The following TNFRSF10B variants were observed in gnomAD, a reference collection of about 807,000 sequenced individuals.
TNFRSF10B encodes TNF receptor superfamily member 10b.
In TNFRSF10B, 35 loss-of-function variants were observed where a neutral mutation model predicts 41.4. That is an observed-to-expected ratio of 0.85 (90% confidence interval 0.65 to 1.12). The LOEUF is 1.12. Ranked by LOEUF, TNFRSF10B falls within the 50% of genes most tolerant of loss-of-function variation. The pLI is 0.00. For synonymous variants in TNFRSF10B, 230 were observed against 215.5 expected (o/e 1.07, Z -0.59); for missense variants, 584 against 552.7 (o/e 1.06, Z -0.57).
At chr8:23,033,401 G>A (rs12550355) in intron 2 of TNFRSF10B, among the ~76,000 whole-genome samples, 45,235 of 151,392 alleles carry the variant, frequency 0.3, 6,992 homozygotes, top group East Asian at 0.35. Context: ...TGGCTAACAC[G>A]GTGAAACCCC....
At position 23,068,962 on chromosome 8, in the gene TNFRSF10B, C is replaced by T. The variant is rs1311389055; in HGVS notation, c.-68G>A. 2.5e-6 allele frequency: 4 copies of T among 1,611,090 alleles called. No homozygotes were observed. Among genetic ancestry groups the T allele is most frequent in the African/African-American group, 2.7e-5 (2 of 74,862 alleles). ...TCAGCCCTTAAAGTAGATCGGGCATCGTCGGTGTATTTTGTGGGCGCAGAG... is the reference window on the plus strand; with the variant it reads ...TCAGCCCTTAAAGTAGATCGGGCATTGTCGGTGTATTTTGTGGGCGCAGAG... On this transcript the variant is annotated 5_prime_UTR_variant, in exon 1 of 9. Coordinates refer to ENST00000276431, the MANE Select transcript of TNFRSF10B (RefSeq NM_003842.5).
chr8:23,068,633 G>T, intron 1 of TNFRSF10B, 118 bp downstream of exon 1: 1 of 1,447,524 alleles, frequency 6.9e-7, no homozygotes, highest in Non-Finnish European at 9.2e-7. Flanking sequence ...GTCTTGCCCG[G>T]ACATGCCCGG....
chr8:23,068,718 C>T, intron 1 of TNFRSF10B, 33 bp downstream of exon 1: 1 of 1,552,882 alleles, frequency 6.4e-7, no homozygotes, highest in Admixed American at 1.9e-5. Flanking sequence ...CAGGCACGCT[C>T]TTCCCCAGCC....
intron 1 of TNFRSF10B, among the ~76,000 whole-genome samples, chr8:23,068,078 C>T (rs1475845876): frequency 2.0e-5 from 3 of 152,222 alleles, no homozygotes; most frequent in African/African-American, 7.2e-5. Context: ...AGGTCAGGCC[C>T]CAAGTGCCAC....
intron 2 of TNFRSF10B, among the ~76,000 whole-genome samples, chr8:23,035,714 A>C (rs1300755012): frequency 6.6e-6 from 1 of 152,182 alleles, no homozygotes; most frequent in Non-Finnish European, 1.5e-5. Context: ...AGATATTCTA[A>C]GATAAAAGAT....
At chr8:23,067,717 G>GT (rs1813033592) in intron 1 of TNFRSF10B, among the ~76,000 whole-genome samples, 1 of 152,182 alleles carries the variant, frequency 6.6e-6, no homozygotes, top group Non-Finnish European at 1.5e-5. Flanking sequence ...CATGAGGTGT[G>GT]TAACAATATC....
At chr8:23,054,242 A>T (rs571021493) in intron 1 of TNFRSF10B, among the ~76,000 whole-genome samples, 3 of 152,208 alleles carry the variant, frequency 2.0e-5, no homozygotes, top group Non-Finnish European at 4.4e-5. Context: ...ACAGGACAGG[A>T]ATTAACTGCA....
At chr8:23,023,123 C>G in intron 8 of TNFRSF10B, 139 bp from the exon 9 acceptor site, 1 of 1,096,712 alleles carries the variant, frequency 9.1e-7, no homozygotes, top group Non-Finnish European at 1.3e-6. Context: ...AGTGCCCACC[C>G]GCTTCCCATC....
At chr8:23,028,669 G>A (rs1811786146) in intron 4 of TNFRSF10B, 67 bp from the exon 5 acceptor site, 4 of 1,590,990 alleles carry the variant, frequency 2.5e-6, no homozygotes, top group Non-Finnish European at 3.4e-6. Flanking sequence ...GATGAAAGAG[G>A]AGCCACCCTC....
chr8:23,028,334 A>AG lies in TNFRSF10B; in HGVS notation c.744dup (p.Ser249LeufsTer8), dbSNP rs1467294487. 3.7e-6 allele frequency: 6 copies of AG among 1,613,964 alleles called. No individual in the cohort carries two copies. The highest frequency in any genetic ancestry group is 5.1e-6 in the Non-Finnish European group (6 of 1,180,002). ...CCCGCCCTCAGCCAGCACCTACCTG[A>AG]GCAGATGCCTTTCAGGTAAGGAAGG... On this transcript the variant is annotated frameshift_variant, in exon 5 of 9. Coordinates refer to ENST00000276431, the MANE Select transcript of TNFRSF10B (RefSeq NM_003842.5). LOFTEE classifies it high-confidence loss of function.
At chr8:23,062,146 A>G (rs1473248530) in intron 1 of TNFRSF10B, among the ~76,000 whole-genome samples, 1 of 152,152 alleles carries the variant, frequency 6.6e-6, no homozygotes, top group East Asian at 1.9e-4. Context: ...TCACTAGTGA[A>G]TTCTGTCAGT....
chr8:23,028,924 A>C (rs918506301), intron 4 of TNFRSF10B, among the ~76,000 whole-genome samples: 2 of 152,214 alleles, frequency 1.3e-5, no homozygotes, highest in African/African-American at 4.8e-5. Context: ...GGGGAAGGTC[A>C]CAAGCCCGTG....
chr8:23,050,950 T>C (rs28775362), intron 1 of TNFRSF10B, among the ~76,000 whole-genome samples: 9,928 of 152,248 alleles, frequency 0.065, 605 homozygotes, highest in African/African-American at 0.17. Context: ...GGCAGGCACC[T>C]GTAATCCCAG....
rs1811725013 is a variant in TNFRSF10B, at chr8:23,027,114, T to C, written c.936+19A>G. 1 of 1,613,522 alleles carries C rather than the reference T, an allele frequency of 6.2e-7. No homozygotes were observed. The highest frequency in any genetic ancestry group is 8.5e-7 in the Non-Finnish European group (1 of 1,180,008). On this transcript the variant is annotated intron_variant, in intron 7 of 8. Transcript: ENST00000276431. ...GTGAGCAGCATGCCAGGAAACAAAATGATCTGTCCCCCACTCACCAGCAGA... is the reference window on the plus strand; with the variant it reads ...GTGAGCAGCATGCCAGGAAACAAAACGATCTGTCCCCCACTCACCAGCAGA...
chr8:23,028,830 A>G lies in TNFRSF10B; in HGVS notation c.477-228T>C, dbSNP rs548211786. 1.4e-4 allele frequency among the ~76,000 whole-genome samples: 21 copies of G among 152,230 alleles called. No individual in the cohort carries two copies. In the South Asian group the frequency reaches 4.1e-3, roughly 30 times the overall value. ...CTCCCTGCTCTGGGGTCAGAGCTGC[A>G]GTTCCAGGAGCCTTCTGTGCTGGGC... On this transcript the variant is annotated intron_variant, in intron 4 of 8. Transcript: ENST00000276431.
intron 4 of TNFRSF10B, 114 bp from the exon 5 acceptor site, chr8:23,028,716 A>G: frequency 3.7e-6 from 5 of 1,357,472 alleles, no homozygotes; most frequent in Non-Finnish European, 5.2e-6. Context: ...CAGGGGAAGG[A>G]CAGTCTCCTC....
chr8:23,034,797 T>A (rs537976440), intron 2 of TNFRSF10B, among the ~76,000 whole-genome samples: 1 of 152,264 alleles, frequency 6.6e-6, no homozygotes, highest in South Asian at 2.1e-4. Context: ...CCATCCAGGA[T>A]GCATCTGTGG....
intron 1 of TNFRSF10B, among the ~76,000 whole-genome samples, chr8:23,054,143 A>G (rs1812597519): frequency 6.6e-6 from 1 of 152,204 alleles, no homozygotes; most frequent in African/African-American, 2.4e-5. Context: ...TCTTGAATGC[A>G]GGTTTCTGAT....
rs191896024 is a variant in TNFRSF10B, at chr8:23,041,568, C to G, written c.250+1570G>C. 9.4e-4 allele frequency among the ~76,000 whole-genome samples: 141 copies of G among 149,746 alleles called. 4 individuals carry two copies. Among genetic ancestry groups the G allele is most frequent in the South Asian group, 7.4e-3 (35 of 4,716 alleles). ...CAATCAATCAATCAATGTATAATTTCCCTAATCTGTAAGAATTCATGTGAC... is the reference window on the plus strand; with the variant it reads ...CAATCAATCAATCAATGTATAATTTGCCTAATCTGTAAGAATTCATGTGAC... On this transcript the variant is annotated intron_variant, in intron 2 of 8. Transcript: ENST00000276431.
Sources: allele counts gnomAD v4.1 joint callset (sites outside exome capture counted in the v4.1 genomes callset), GRCh38; gene constraint gnomAD v4.1.1; transcripts MANE v1.5; gene names NCBI Gene and HGNC (gene_info 2026-07-23, HGNC 2026-07-21).